Variants in ZBTB7C observed in about 807,000 individuals in gnomAD.
ZBTB7C encodes zinc finger and BTB domain-containing protein 7C.
Under a neutral mutation model 25.7 loss-of-function variants are expected in ZBTB7C, and 8 were observed. That is an observed-to-expected ratio of 0.31 (90% CI 0.18 to 0.56). The LOEUF is 0.56. Ranked by LOEUF, ZBTB7C falls within the 20% of genes least tolerant of loss-of-function variation. The probability of loss-of-function intolerance (pLI) is 0.91; values close to 1 mark genes in which losing one functional copy is unlikely to be tolerated. For synonymous variants in ZBTB7C, 394 were observed against 369.0 expected, an observed-to-expected ratio of 1.07 and a Z score of -0.78; for missense variants, 824 against 855.2, an observed-to-expected ratio of 0.96 and a Z score of 0.46.
chr18:48,235,116 A>G (rs1031103606), intron 2 of ZBTB7C, among the ~76,000 whole-genome samples: 1 of 152,194 alleles, frequency 6.6e-6, no homozygotes, highest in East Asian at 1.9e-4. Context: ...TGTTAATCCA[A>G]TCTGACCAAT....
intron 2 of ZBTB7C, among the ~76,000 whole-genome samples, chr18:48,298,966 G>C (rs948253437): frequency 2.6e-5 from 4 of 152,188 alleles, no homozygotes; most frequent in African/African-American, 9.7e-5. Context: ...CTGCACAGAA[G>C]CCTTCCAGGC....
At chr18:48,043,315 G>A (rs979460684) in intron 3 of ZBTB7C, among the ~76,000 whole-genome samples, 1 of 152,214 alleles carries the variant, frequency 6.6e-6, no homozygotes, top group Admixed American at 6.5e-5. Flanking sequence ...GTGCACGATA[G>A]TGAGTAACTG....
chr18:48,340,693 C>A (rs759040974), intron 1 of ZBTB7C, among the ~76,000 whole-genome samples: 10 of 152,208 alleles, frequency 6.6e-5, no homozygotes, highest in East Asian at 1.9e-4. Context: ...AGCTCTCCTG[C>A]AAGTTGGGGT....
At position 48,149,318 on chromosome 18, in the gene ZBTB7C, C is replaced by A. The variant is rs147168032; in HGVS notation, c.-17+36616G>T. On this transcript the variant is annotated intron_variant, in intron 3 of 4. Transcript: ENST00000590800. Reference sequence around the variant, plus strand: ...CTGCTAGATGGGGAAGGGGTGAGCACAGCAGTTTCTGTGTTGTTTCAACAC... The same window carrying A: ...CTGCTAGATGGGGAAGGGGTGAGCAAAGCAGTTTCTGTGTTGTTTCAACAC... The A allele has an allele frequency of 4.1e-3, 621 of 152,526 alleles. 3 individuals are homozygous for A. Among genetic ancestry groups the A allele is most frequent in the Middle Eastern group, 0.01 (3 of 294 alleles). 9.4% of individuals were successfully genotyped at this position (152,526 alleles called of 1,614,324 possible).
At chr18:48,032,436 T>TTG (rs2035799327) in intron 4 of ZBTB7C, among the ~76,000 whole-genome samples, 1 of 124,468 alleles carries the variant, frequency 8.0e-6, no homozygotes, top group Non-Finnish European at 1.7e-5. Flanking sequence ...TTTTTTTTTT[T>TTG]TTTTTTTTTT....
intron 3 of ZBTB7C, among the ~76,000 whole-genome samples, chr18:48,088,549 C>T (rs2038282768): frequency 6.6e-6 from 1 of 152,200 alleles, no homozygotes; most frequent in African/African-American, 2.4e-5. Context: ...GGAAACTGGC[C>T]AGCCCTAGTG....
chr18:48,387,812 G>T (rs2047783713), intron 1 of ZBTB7C, among the ~76,000 whole-genome samples: 1 of 139,978 alleles, frequency 7.1e-6, no homozygotes, highest in Non-Finnish European at 1.5e-5. Context: ...GGCTATGCAG[G>T]TTTTTTGTTT....
At chr18:48,111,087 G>A (rs1808906232) in intron 3 of ZBTB7C, among the ~76,000 whole-genome samples, 2 of 152,112 alleles carry the variant, frequency 1.3e-5, no homozygotes. Context: ...GGCAGCTGCT[G>A]GGTCACCAAG....
chr18:48,125,568 G>T (rs2039772956), intron 3 of ZBTB7C, among the ~76,000 whole-genome samples: 1 of 152,244 alleles, frequency 6.6e-6, no homozygotes, highest in Non-Finnish European at 1.5e-5. Flanking sequence ...GCAGACAGGG[G>T]AAGGATAACA....
In ZBTB7C at chr18:48,127,794, G is replaced by A. The variant is rs190679448; in HGVS notation, c.-17+58140C>T. Reference sequence around the variant, plus strand: ...AGAGTTGGAGCCAGGTTCACTCAGAGGGTGCGCCACAGGAGTGGGAGAGGA... The same window carrying A: ...AGAGTTGGAGCCAGGTTCACTCAGAAGGTGCGCCACAGGAGTGGGAGAGGA... On this transcript the variant is annotated intron_variant, in intron 3 of 4. Coordinates refer to ENST00000590800, the MANE Select transcript of ZBTB7C (RefSeq NM_001318841.2). Among the ~76,000 whole-genome samples, 660 of 152,366 alleles carry A rather than the reference G, an allele frequency of 4.3e-3. 5 individuals are homozygous for A. Among genetic ancestry groups the A allele is most frequent in the Non-Finnish European group, 3.9e-3 (262 of 68,038 alleles).
rs2035652356 is a variant in ZBTB7C at position 48,029,633 on chromosome 18, C to T, written c.1487G>A (p.Gly496Asp). The change falls in exon 5 of 5, where the codon GGC becomes GAC. Residue 496 changes from glycine to aspartate, a missense_variant. By Grantham distance (94) the Gly-to-Asp change is moderately conservative. This residue lies in a region of ZBTB7C where 342 missense variants were observed against 307.0 expected (regional missense o/e 1.11). Transcript: ENST00000590800. The stretch of plus-strand genomic sequence containing the variant: ...GGCCGCCTTGTCGGGGGCCGGGCCG[C>T]CGGGCCCGAAGAGCAGGCTGGCGGC... Reference protein sequence around the residue: ...WRAASLLFGPGGPAPDKAAFV... With the variant: ...WRAASLLFGPDGPAPDKAAFV... The T allele has an allele frequency of 2.0e-6, 3 of 1,510,706 alleles. No homozygotes were observed. Among genetic ancestry groups the T allele is most frequent in the African/African-American group, 1.4e-5 (1 of 71,368 alleles). The allele number at this position is 1,510,706 out of a possible 1,614,324, so 93.6% of individuals were successfully genotyped here.
At chr18:48,329,036 CCTGA>C (rs1568379622) in intron 2 of ZBTB7C, among the ~76,000 whole-genome samples, 2 of 152,128 alleles carry the variant, frequency 1.3e-5, no homozygotes, top group African/African-American at 4.8e-5. Flanking sequence ...CCAGTGGCCA[CCTGA>C]CTGTTATCCA....
intron 4 of ZBTB7C, among the ~76,000 whole-genome samples, chr18:48,031,705 C>CTGGTGG (rs1463022990): frequency 6.6e-6 from 1 of 152,192 alleles, no homozygotes. Context: ...TTGCCACATG[C>CTGGTGG]TGGTGGTGGT....
chr18:48,300,000 C>A (rs1048195541), intron 2 of ZBTB7C, among the ~76,000 whole-genome samples: 1 of 152,182 alleles, frequency 6.6e-6, no homozygotes, highest in Non-Finnish European at 1.5e-5. Context: ...TCCCCTGGGG[C>A]CTTGTTAGTA....
chr18:48,245,600 C>CT (rs1367855017), intron 2 of ZBTB7C, among the ~76,000 whole-genome samples: 2 of 151,706 alleles, frequency 1.3e-5, no homozygotes, highest in African/African-American at 4.8e-5. Context: ...TCTCAAGCAT[C>CT]TTTTTTTCAT....
intron 3 of ZBTB7C, among the ~76,000 whole-genome samples, chr18:48,108,553 C>T (rs2039118418): frequency 6.6e-6 from 1 of 152,178 alleles, no homozygotes; most frequent in South Asian, 2.1e-4. Context: ...CCTACCTCAG[C>T]CTCCCAGATA....
chr18:48,265,216 C>T (rs930012789), intron 2 of ZBTB7C, among the ~76,000 whole-genome samples: 4 of 152,192 alleles, frequency 2.6e-5, no homozygotes, highest in African/African-American at 7.2e-5. Context: ...TAACTCTGCT[C>T]CTGCAACTCT....
At chr18:48,050,216 C>T (rs1396346379) in intron 3 of ZBTB7C, among the ~76,000 whole-genome samples, 1 of 152,096 alleles carries the variant, frequency 6.6e-6, no homozygotes, top group Non-Finnish European at 1.5e-5. Context: ...AAGCAGCTGG[C>T]CAGCCCTAGA....
At position 48,267,642 on chromosome 18, in the gene ZBTB7C, T is replaced by A. The variant is rs527506586; in HGVS notation, c.-79+70532A>T. Among the ~76,000 whole-genome samples, 28 of 152,294 alleles carry A rather than the reference T, an allele frequency of 1.8e-4. No individual in the cohort carries two copies. The South Asian group carries it at 5.6e-3, about 30-fold the overall frequency. ...TCTCCATCAAACTCACATGTTGATA[T>A]CCTAACTTCCAAGGAGATGGTGTTA... On this transcript the variant is annotated intron_variant, in intron 2 of 4. Coordinates refer to ENST00000590800, the MANE Select transcript of ZBTB7C (RefSeq NM_001318841.2).
Sources: gnomAD v4.1 joint callset for allele counts (sites outside exome capture counted in the v4.1 genomes callset) on GRCh38, gnomAD v4.1.1 for gene constraint, gnomAD v4.1.1 regional missense constraint, MANE v1.5 for transcripts, NCBI Gene and HGNC (gene_info 2026-07-23, HGNC 2026-07-21) for gene names.